Variants in SYNCRIP observed in about 807,000 individuals in gnomAD.
The protein encoded by SYNCRIP is synaptotagmin binding cytoplasmic RNA interacting protein.
In SYNCRIP, 9 loss-of-function variants were observed where a neutral mutation model predicts 68.9. That is an observed-to-expected ratio of 0.13 (90% CI 0.08 to 0.23). SYNCRIP has a LOEUF of 0.23. Among genes scored for constraint, SYNCRIP ranks in the 10% least tolerant of loss-of-function variants. The pLI is 1.00. For missense variants in SYNCRIP, 414 were observed against 770.6 expected, an observed-to-expected ratio of 0.54 and a Z score of 5.48; for synonymous variants, 258 against 254.0, an observed-to-expected ratio of 1.02 and a Z score of -0.15.
chr6:85,627,515 T>TAA (rs955868015), intron 6 of SYNCRIP, among the ~76,000 whole-genome samples: 1 of 149,234 alleles, frequency 6.7e-6, no homozygotes, highest in South Asian at 2.1e-4. Flanking sequence ...CTCTATCACC[T>TAA]AAAAAAAAAC....
chr6:85,609,593 TC>T (rs1403566435), downstream of SYNCRIP: 2 of 151,918 alleles, frequency 1.3e-5, no homozygotes, highest in African/African-American at 4.8e-5. Context: ...AACATCTGAT[TC>T]AGTGGCAATG....
In SYNCRIP at chr6:85,619,338, T is replaced by C. The variant is rs1194523748; in HGVS notation, c.1088A>G (p.Lys363Arg). 2.5e-6 allele frequency: 4 copies of C among 1,614,040 alleles called. No individual in the cohort carries two copies. The change falls in exon 9 of 11, where the codon AAA becomes AGA. Residue 363 changes from lysine (K) to arginine (R), a missense_variant. This residue lies in a region of SYNCRIP where 51 missense variants were observed against 151.1 expected (regional missense o/e 0.34). Transcript: ENST00000369622. The stretch of plus-strand genomic sequence containing the variant: ...TTTTAACTTCTTCACTCGTTCCAGT[T>C]TCCCAAACTGACTAAATGCCTTTTC... ...ILEKAFSQFGKLERVKKLKDY... is the reference protein window; with the variant it reads ...ILEKAFSQFGRLERVKKLKDY...
At chr6:85,633,773 C>T (rs963599927) in intron 6 of SYNCRIP, among the ~76,000 whole-genome samples, 1 of 151,996 alleles carries the variant, frequency 6.6e-6, no homozygotes, top group Admixed American at 6.6e-5. Context: ...CAGCCTTGAC[C>T]TCCTGGGACC....
intron 4 of SYNCRIP, among the ~76,000 whole-genome samples, chr6:85,639,946 C>T (rs930990444): frequency 5.9e-5 from 9 of 151,900 alleles, no homozygotes; most frequent in African/African-American, 2.2e-4. Flanking sequence ...TGCAGCTTTT[C>T]AAAAAATATT....
chr6:85,623,583 A>AAAACAAAAAAC (rs1562087872), intron 7 of SYNCRIP, among the ~76,000 whole-genome samples: 1 of 143,892 alleles, frequency 6.9e-6, no homozygotes, highest in African/African-American at 2.5e-5. Context: ...AAAAAAAAAA[A>AAAACAAAAAAC]CACTCTGCTA....
In SYNCRIP at chr6:85,628,346, G is replaced by A. The variant is rs963646177; in HGVS notation, c.667-4234C>T. ...GCTGGGATCACAGGCATGATCCACCGCACCTGGCCTAAAGATTTCTTAATT... is the reference window on the plus strand; with the variant it reads ...GCTGGGATCACAGGCATGATCCACCACACCTGGCCTAAAGATTTCTTAATT... On this transcript the variant is annotated intron_variant, in intron 6 of 10. Transcript: ENST00000369622. 5.3e-5 allele frequency among the ~76,000 whole-genome samples: 8 copies of A among 152,284 alleles called. No individual in the cohort carries two copies. The South Asian group carries it at 6.2e-4, about 12-fold the overall frequency.
chr6:85,622,007 T>C (rs1334079403), intron 8 of SYNCRIP, among the ~76,000 whole-genome samples: 1 of 152,174 alleles, frequency 6.6e-6, no homozygotes, highest in East Asian at 1.9e-4. Flanking sequence ...GCACATGGTA[T>C]TTCCAGTGCG....
intron 6 of SYNCRIP, among the ~76,000 whole-genome samples, chr6:85,631,339 C>CAAAAAAAAAAAAAAAAAAAAA (rs71003000): frequency 8.7e-5 from 8 of 91,802 alleles, no homozygotes; most frequent in African/African-American, 3.5e-4. Flanking sequence ...ACTGTGTCTC[C>CAAAAAAAAAAAAAAAAAAAAA]AAAAAAAAAA....
chr6:85,614,312 A>C lies in SYNCRIP; in HGVS notation c.*444T>G. On this transcript the variant is annotated 3_prime_UTR_variant, in exon 11 of 11. Transcript: ENST00000369622. ...AACCCAAATTAGGTCAAAGTTCTAA[A>C]TTAAAAATAGCAGTTGTGTATCAAT... 2.0e-6 allele frequency: 2 copies of C among 986,708 alleles called. No individual in the cohort carries two copies. Among genetic ancestry groups the C allele is most frequent in the Non-Finnish European group, 1.2e-6 (1 of 830,506 alleles). 61.1% of individuals were successfully genotyped at this position (986,708 alleles called of 1,614,324 possible).
chr6:85,613,708 AT>A (rs1805459516), downstream of SYNCRIP, among the ~76,000 whole-genome samples: 1 of 152,234 alleles, frequency 6.6e-6, no homozygotes, highest in Non-Finnish European at 1.5e-5. Flanking sequence ...TACAGTGATT[AT>A]TTAGAGTGCA....
intron 10 of SYNCRIP, among the ~76,000 whole-genome samples, chr6:85,617,992 T>A (rs917749871): frequency 5.9e-5 from 9 of 152,240 alleles, no homozygotes; most frequent in Admixed American, 2.0e-4. Flanking sequence ...ATTACACACC[T>A]ACTTGTTTTC....
intron 6 of SYNCRIP, among the ~76,000 whole-genome samples, chr6:85,626,115 TA>T (rs1269167185): frequency 2.0e-5 from 3 of 152,216 alleles, no homozygotes; most frequent in African/African-American, 7.2e-5. Context: ...ACCAGACTAA[TA>T]ATCTTTTAAC....
chr6:85,613,942 A>C, downstream of SYNCRIP: 1 of 973,652 alleles, frequency 1.0e-6, no homozygotes, highest in Non-Finnish European at 1.2e-6. Flanking sequence ...CATTCATCAC[A>C]ATTAAGAACT....
Position 85,624,124 on chromosome 6 carries a change from A to G in SYNCRIP, c.667-12T>C, listed in dbSNP as rs775735282. 6.2e-6 allele frequency: 10 copies of G among 1,608,824 alleles called. 1 individual carries two copies. In the South Asian group the frequency reaches 8.9e-5, roughly 14 times the overall value. On this transcript the variant is annotated splice_polypyrimidine_tract_variant and intron_variant, in intron 6 of 10. Transcript: ENST00000369622. ...TCATGATTATTATACTGAAAGGGGAAAAAGTGCATCATGTTTTTAAATTAC... is the reference window on the plus strand; with the variant it reads ...TCATGATTATTATACTGAAAGGGGAGAAAGTGCATCATGTTTTTAAATTAC...
At chr6:85,637,196 A>G in intron 5 of SYNCRIP, 47 bp downstream of exon 5, 1 of 1,607,124 alleles carries the variant, frequency 6.2e-7, no homozygotes. Context: ...AGGAAACCAG[A>G]TACCTGTGCT....
chr6:85,643,279 C>A (rs896889933), upstream of SYNCRIP: 3 of 152,272 alleles, frequency 2.0e-5, no homozygotes, highest in African/African-American at 7.2e-5. Context: ...TCGGCCCGGT[C>A]CCCCAGTCCC....
chr6:85,617,542 T>TA, intron 10 of SYNCRIP, among the ~76,000 whole-genome samples: 1 of 152,362 alleles, frequency 6.6e-6, no homozygotes, highest in East Asian at 1.9e-4. Context: ...TCATCAAACC[T>TA]ACAAAGTATA....
At chr6:85,607,901 T>C (rs1488959889), downstream of SYNCRIP, 1 of 152,028 alleles carries the variant, frequency 6.6e-6, no homozygotes, top group Non-Finnish European at 1.5e-5. Flanking sequence ...TAATCCAAAA[T>C]AGAAACTAAA....
intron 6 of SYNCRIP, among the ~76,000 whole-genome samples, chr6:85,635,705 G>A (rs1004533319): frequency 6.8e-6 from 1 of 148,090 alleles, no homozygotes; most frequent in Non-Finnish European, 1.5e-5. Flanking sequence ...GGGAGGCGGA[G>A]GTTGCAGTGA....
Sources: gnomAD v4.1 joint callset for allele counts (sites outside exome capture counted in the v4.1 genomes callset) on GRCh38, gnomAD v4.1.1 for gene constraint, gnomAD v4.1.1 regional missense constraint, MANE v1.5 for transcripts, NCBI Gene and HGNC (gene_info 2026-07-23, HGNC 2026-07-21) for gene names.